ZNF423: variants seen among roughly 807,000 people sequenced by gnomAD.
The protein encoded by ZNF423 is zinc finger protein 423.
ZNF423 carries 12 observed loss-of-function variants against 95.8 expected under a neutral mutation model. That is an observed-to-expected ratio of 0.13 (90% CI 0.08 to 0.20). The LOEUF is 0.20. Ranked by LOEUF, ZNF423 falls within the 10% of genes least tolerant of loss-of-function variation. ZNF423 has a pLI of 1.00. For synonymous variants in ZNF423, 749 were observed against 711.9 expected (o/e 1.05, Z -0.83); for missense variants, 1,316 against 1,737.1 (o/e 0.76, Z 4.31).
intron 4 of ZNF423, among the ~76,000 whole-genome samples, chr16:49,631,482 A>T (rs1972495817): frequency 1.3e-5 from 2 of 151,526 alleles, no homozygotes; most frequent in South Asian, 2.1e-4. Context: ...TTACAGAAAG[A>T]CAGAACTTGG....
chr16:49,848,287 G>A (rs77334422), intron 1 of ZNF423, among the ~76,000 whole-genome samples: 17 of 152,260 alleles, frequency 1.1e-4, no homozygotes, highest in South Asian at 8.3e-4. Flanking sequence ...TGTAGGTGAC[G>A]GTGATAGGCA....
chr16:49,808,882 C>A (rs2034707056), intron 1 of ZNF423, among the ~76,000 whole-genome samples: 1 of 152,184 alleles, frequency 6.6e-6, no homozygotes, highest in Admixed American at 6.5e-5. Flanking sequence ...GCCAGAGAGA[C>A]CCACCAGGCT....
intron 2 of ZNF423, among the ~76,000 whole-genome samples, chr16:49,784,210 C>A (rs1395150932): frequency 8.6e-5 from 13 of 151,980 alleles, no homozygotes; most frequent in South Asian, 4.1e-4. Flanking sequence ...TACAAACACA[C>A]CCAAAAGAAA....
At chr16:49,594,118 G>A (rs1450505300) in intron 5 of ZNF423, among the ~76,000 whole-genome samples, 1 of 152,118 alleles carries the variant, frequency 6.6e-6, no homozygotes, top group African/African-American at 2.4e-5. Context: ...TCAGCTGGGG[G>A]GTAAACAGAA....
intron 1 of ZNF423, among the ~76,000 whole-genome samples, chr16:49,834,989 G>T (rs142632360): frequency 6.6e-6 from 1 of 152,134 alleles, no homozygotes; most frequent in Non-Finnish European, 1.5e-5. Flanking sequence ...GTGCGCCTTG[G>T]GGGGCCAGGG....
chr16:49,842,875 A>G (rs1289806761), intron 1 of ZNF423, among the ~76,000 whole-genome samples: 1 of 151,012 alleles, frequency 6.6e-6, no homozygotes, highest in African/African-American at 2.4e-5. Flanking sequence ...GCTACTCGGG[A>G]GGCTGAGGCA....
chr16:49,586,589 T>C (rs1212599170), intron 5 of ZNF423, among the ~76,000 whole-genome samples: 1 of 152,240 alleles, frequency 6.6e-6, no homozygotes, highest in Non-Finnish European at 1.5e-5. Flanking sequence ...CCCGCCAGTG[T>C]GCCAGCTCCG....
intron 5 of ZNF423, among the ~76,000 whole-genome samples, chr16:49,559,838 G>A (rs977886851): frequency 6.6e-6 from 1 of 152,118 alleles, no homozygotes; most frequent in South Asian, 2.1e-4. Flanking sequence ...CTGAAGGCAC[G>A]ATCCCAGTCA....
At chr16:49,769,651 C>G (rs2033995597) in intron 2 of ZNF423, among the ~76,000 whole-genome samples, 1 of 152,130 alleles carries the variant, frequency 6.6e-6, no homozygotes, top group African/African-American at 2.4e-5. Context: ...AAATGAGACA[C>G]TTCTGCCTGC....
chr16:49,509,239 G>A (rs997468957), intron 7 of ZNF423, among the ~76,000 whole-genome samples: 23 of 152,198 alleles, frequency 1.5e-4, no homozygotes, highest in Admixed American at 6.5e-4. Flanking sequence ...ACTGTCCCCT[G>A]CCACTCCCAT....
At chr16:49,793,104 C>T (rs145181647) in intron 1 of ZNF423, among the ~76,000 whole-genome samples, 11 of 152,080 alleles carry the variant, frequency 7.2e-5, no homozygotes, top group Non-Finnish European at 1.5e-4. Flanking sequence ...CAACACCCAA[C>T]CCCCCACCAC....
intron 5 of ZNF423, among the ~76,000 whole-genome samples, chr16:49,616,238 A>G (rs1350762218): frequency 1.3e-5 from 2 of 152,204 alleles, no homozygotes; most frequent in East Asian, 3.9e-4. Flanking sequence ...CAAATGTCCC[A>G]TGTTCTCACT....
rs760427552 is a variant in ZNF423, at chr16:49,637,821, T to G, written c.1355A>C (p.Gln452Pro). 3 of 1,614,178 alleles carry G rather than the reference T, an allele frequency of 1.9e-6. No individual in the cohort carries two copies. The highest frequency in any genetic ancestry group is 2.5e-6 in the Non-Finnish European group (3 of 1,180,028). ...GGTGGGCATGGAGTCCAGGCAGATC[T>G]GACATGTGTGGCTCTGCTGGGGCTT... ...ADKPQQSHTC[Q>P]ICLDSMPTLY... The change falls in exon 4 of 8, where the codon CAG becomes CCG. Residue 452 changes from glutamine to proline, a missense_variant. Around this residue, in one of 6 missense-constraint regions of ZNF423, gnomAD observed 399 missense variants for 478.5 expected, o/e 0.83. Transcript: ENST00000563137. The surrounding 1 kb of genome is among the most constrained non-coding windows in gnomAD (Gnocchi z 5.6).
intron 3 of ZNF423, among the ~76,000 whole-genome samples, chr16:49,712,759 C>T (rs577520849): frequency 2.0e-5 from 3 of 152,240 alleles, no homozygotes; most frequent in Non-Finnish European, 4.4e-5. Flanking sequence ...CCGGGAGCGG[C>T]GCGATCCGCG....
chr16:49,550,875 C>T (rs752833150), intron 5 of ZNF423, among the ~76,000 whole-genome samples: 2 of 152,260 alleles, frequency 1.3e-5, no homozygotes, highest in Non-Finnish European at 2.9e-5. Flanking sequence ...ACAGAGAAGG[C>T]GAGGCACTGC....
Position 49,492,816 on chromosome 16 carries a change from T to G in ZNF423, c.3850-1512A>C, listed in dbSNP as rs546583031. On this transcript the variant is annotated intron_variant, in intron 7 of 7. Coordinates refer to ENST00000563137, the MANE Select transcript of ZNF423 (RefSeq NM_001379286.1). The surrounding 1 kb of genome is among the most constrained non-coding windows in gnomAD (Gnocchi z 4.2). ...TTCTTAAGATGAAGACACCGAGGCCTAGGAAGGCAAAAATTACAGGCCCAA... is the reference window on the plus strand; with the variant it reads ...TTCTTAAGATGAAGACACCGAGGCCGAGGAAGGCAAAAATTACAGGCCCAA... Among the ~76,000 whole-genome samples the G allele has an allele frequency of 6.6e-6, 1 of 152,104 alleles. No individual in the cohort carries two copies. Among genetic ancestry groups the G allele is most frequent in the African/African-American group, 2.4e-5 (1 of 41,494 alleles).
In ZNF423 at chr16:49,636,230, G is replaced by A. The variant is rs139037202; in HGVS notation, c.2946C>T (p.Leu982=). ...TGCTGTGGGTCACCTTGTGTTCGGT[G>A]AGCGTCAGCAGCGAAGGGAAGCGCT... ...CGERFPSLLT[L]TEHKVTHSKS... is the part of the protein sequence containing the mutation. Residue 982 remains leucine (L), a synonymous_variant, in exon 4 of 8, where the codon CTC becomes CTT. Coordinates refer to ENST00000563137, the MANE Select transcript of ZNF423 (RefSeq NM_001379286.1). The surrounding 1 kb of genome is among the most constrained non-coding windows in gnomAD (Gnocchi z 8.6). 6.2e-6 allele frequency: 10 copies of A among 1,613,144 alleles called. No homozygotes were observed. The highest frequency in any genetic ancestry group is 1.7e-5 in the Admixed American group (1 of 60,020).
chr16:49,638,342 G>A lies in ZNF423; in HGVS notation c.834C>T (p.Asp278=), dbSNP rs757209714. ...KDDFMCDYCE[D]TFSQTEELEK... Reference sequence around the variant, plus strand: ...CCAGCTCCTCCGTCTGGCTGAAGGTGTCCTCGCAGTAGTCGCACATGAAGT... The same window carrying A: ...CCAGCTCCTCCGTCTGGCTGAAGGTATCCTCGCAGTAGTCGCACATGAAGT... The change falls in exon 4 of 8, where the codon GAC becomes GAT. Residue 278 remains aspartate, a synonymous_variant. Transcript: ENST00000563137. The surrounding 1 kb of genome is among the most constrained non-coding windows in gnomAD (Gnocchi z 5.6). The A allele has an allele frequency of 1.9e-6, 3 of 1,614,102 alleles. No homozygotes were observed. Among genetic ancestry groups the A allele is most frequent in the Non-Finnish European group, 2.5e-6 (3 of 1,180,046 alleles).
chr16:49,676,419 A>G (rs1157709328), intron 3 of ZNF423, among the ~76,000 whole-genome samples: 1 of 152,204 alleles, frequency 6.6e-6, no homozygotes, highest in Non-Finnish European at 1.5e-5. Context: ...TTAGTCCCAG[A>G]AGGGAAGGTG....
Sources: gnomAD v4.1 joint callset for allele counts (sites outside exome capture counted in the v4.1 genomes callset) on GRCh38, gnomAD v4.1.1 for gene constraint, gnomAD v4.1.1 regional missense constraint, Gnocchi (gnomAD v3.1) non-coding constraint, MANE v1.5 for transcripts, NCBI Gene and HGNC (gene_info 2026-07-23, HGNC 2026-07-21) for gene names.